SPATA7: variants seen among roughly 807,000 people sequenced by gnomAD.
SPATA7 encodes spermatogenesis-associated protein 7.
A neutral mutation model predicts 51.8 loss-of-function variants in SPATA7; 43 were observed. That is an observed-to-expected ratio of 0.83 (90% CI 0.65 to 1.07). The LOEUF is 1.07. SPATA7 is among the 50% of genes least tolerant of loss of function. The pLI is 0.00. For missense variants in SPATA7, 683 were observed against 701.3 expected (o/e 0.97, Z 0.30); for synonymous variants, 230 against 252.8 (o/e 0.91, Z 0.86).
At chr14:88,429,525 A>AT in intron 8 of SPATA7, 62 bp downstream of exon 8, 9 of 1,077,396 alleles carry the variant, frequency 8.4e-6, no homozygotes, top group African/African-American at 6.2e-5. Context: ...TATAACAGAC[A>AT]TATAGTATTT....
chr14:88,405,525 A>G (rs1158214721), intron 4 of SPATA7, among the ~76,000 whole-genome samples: 1 of 152,204 alleles, frequency 6.6e-6, no homozygotes, highest in African/African-American at 2.4e-5. Context: ...GATTCTGGAA[A>G]CATTTCAAAT....
At chr14:88,424,136 G>T (rs2076725866) in intron 5 of SPATA7, among the ~76,000 whole-genome samples, 1 of 152,130 alleles carries the variant, frequency 6.6e-6, no homozygotes, top group Non-Finnish European at 1.5e-5. Flanking sequence ...CATAATTGAT[G>T]AACCCTTTTC....
intron 9 of SPATA7, among the ~76,000 whole-genome samples, chr14:88,431,707 G>A (rs1482091399): frequency 6.6e-6 from 1 of 152,144 alleles, no homozygotes; most frequent in Non-Finnish European, 1.5e-5. Flanking sequence ...GTGAGAACAT[G>A]CGATGTTTAA....
chr14:88,459,601 T>C (rs1452858860), downstream of SPATA7, among the ~76,000 whole-genome samples: 1 of 152,202 alleles, frequency 6.6e-6, no homozygotes, highest in East Asian at 1.9e-4. Flanking sequence ...TTTGAGCCTA[T>C]GTGAGTCTCT....
At position 88,412,222 on chromosome 14, in the gene SPATA7, C is replaced by CT. The variant is rs58818266; in HGVS notation, c.239-4473dup. 2.1e-3 allele frequency among the ~76,000 whole-genome samples: 286 copies of CT among 135,030 alleles called. 1 individual carries two copies. The highest frequency in any genetic ancestry group is 6.6e-3 in the African/African-American group (235 of 35,390). The allele number at this position is 135,030 out of a possible 152,430, so 88.6% of individuals were successfully genotyped here. On this transcript the variant is annotated intron_variant, in intron 4 of 11. Transcript: ENST00000393545. ...ATGGGGTTATTTGTTTTTCTTCTTGCTTTTTTTTTTTTTTTTAAGTTCCTC... is the reference window on the plus strand; with the variant it reads ...ATGGGGTTATTTGTTTTTCTTCTTGCTTTTTTTTTTTTTTTTTAAGTTCCTC...
chr14:88,426,776 G>T (rs2076807079), intron 6 of SPATA7, 72 bp downstream of exon 6: 1 of 1,344,420 alleles, frequency 7.4e-7, no homozygotes, highest in African/African-American at 1.5e-5. Flanking sequence ...AATATTCCTT[G>T]TTTTCTGCTG....
downstream of SPATA7, among the ~76,000 whole-genome samples, chr14:88,456,953 G>T (rs888535237): frequency 5.3e-5 from 8 of 151,974 alleles, no homozygotes; most frequent in Non-Finnish European, 8.8e-5. Flanking sequence ...GGCTAGCAAG[G>T]TTTCCCAGCA....
At chr14:88,409,260 G>A (rs1373843057) in intron 4 of SPATA7, among the ~76,000 whole-genome samples, 1 of 152,064 alleles carries the variant, frequency 6.6e-6, no homozygotes, top group Non-Finnish European at 1.5e-5. Context: ...ATTAATTACT[G>A]CCTCAATTTC....
intron 4 of SPATA7, 165 bp from the exon 5 acceptor site, chr14:88,416,546 T>C (rs895033855): frequency 6.6e-6 from 4 of 607,774 alleles, no homozygotes; most frequent in Admixed American, 3.3e-5. Flanking sequence ...AAATAAATAA[T>C]TTTTAAAATG....
chr14:88,434,105 A>T lies in SPATA7; in HGVS notation c.1160+893A>T, dbSNP rs756910799. ...CGTGCACTTAAAAATGGTTAAGATG[A>T]TAAGTTTGGTTAGTTTTTGCCACCA... On this transcript the variant is annotated intron_variant, in intron 10 of 11. Coordinates refer to ENST00000393545, the MANE Select transcript of SPATA7 (RefSeq NM_018418.5). Among the ~76,000 whole-genome samples the T allele has an allele frequency of 2.0e-5, 3 of 152,194 alleles. No homozygotes were observed. The South Asian group carries it at 6.2e-4, about 32-fold the overall frequency.
Position 88,429,432 on chromosome 14 carries a change from A to G in SPATA7, c.997A>G (p.Lys333Glu). Residue 333 changes from lysine to glutamate, a missense_variant, in exon 8 of 12, where the codon AAG (lysine) becomes GAG (glutamate). Physicochemically the swap from Lys to Glu is moderately conservative, Grantham distance 56 (BLOSUM62 1). Transcript: ENST00000393545. ...GCATGACTCAACATGGGATGAGATT[A>G]AGGATGATGCTCTTCAGCATTCCTC... ...EGHDSTWDEI[K>E]DDALQHSSPR... 8 of 1,612,424 alleles carry G rather than the reference A, an allele frequency of 5.0e-6. No homozygotes were observed. The highest frequency in any genetic ancestry group is 6.8e-6 in the Non-Finnish European group (8 of 1,178,714).
downstream of SPATA7, among the ~76,000 whole-genome samples, chr14:88,459,562 G>A (rs1215742364): frequency 6.6e-6 from 1 of 151,640 alleles, no homozygotes. Flanking sequence ...TTTTCCATTT[G>A]CTTGGTAGAT....
chr14:88,440,944 G>T (rs1193557268), downstream of SPATA7, among the ~76,000 whole-genome samples: 1 of 152,014 alleles, frequency 6.6e-6, no homozygotes, highest in Non-Finnish European at 1.5e-5. Flanking sequence ...AGTGTACATT[G>T]TACCCAATGT....
intron 1 of SPATA7, among the ~76,000 whole-genome samples, chr14:88,388,738 C>G (rs73319856): frequency 6.6e-6 from 1 of 151,970 alleles, no homozygotes; most frequent in Non-Finnish European, 1.5e-5. Flanking sequence ...GTATATAAAA[C>G]AAATTAATGA....
Position 88,469,465 on chromosome 14 carries a change from C to CA in SPATA7, c.255-381dup. On this transcript the variant is annotated intron_variant, in intron 4 of 4. Coordinates refer to the SPATA7 transcript ENST00000556406. The surrounding 1 kb of genome is among the most constrained non-coding windows in gnomAD (Gnocchi z 4.3). ...CCTCTCTGTTTAACACCTCCAGAGG[C>CA]AGCTGTCCTCGGAACAAAGTTAAAG... 6.6e-7 allele frequency: 1 copy of CA among 1,523,864 alleles called. No individual in the cohort carries two copies. The highest frequency in any genetic ancestry group is 1.1e-5 in the South Asian group (1 of 89,066). The allele number at this position is 1,523,864 out of a possible 1,614,324, so 94.4% of individuals were successfully genotyped here. A position where few individuals can be genotyped will look rare whatever the true frequency, so the allele number is the denominator to read the frequency against.
At chr14:88,440,646 T>C (rs2077172247), downstream of SPATA7, among the ~76,000 whole-genome samples, 1 of 152,104 alleles carries the variant, frequency 6.6e-6, no homozygotes, top group African/African-American at 2.4e-5. Context: ...TGCGAGTGTG[T>C]CTTCTGAGCC....
At chr14:88,386,556 C>G (rs371148624) in intron 1 of SPATA7, among the ~76,000 whole-genome samples, 1 of 152,098 alleles carries the variant, frequency 6.6e-6, no homozygotes, top group Non-Finnish European at 1.5e-5. Flanking sequence ...CCATATACAC[C>G]TGTTCTCTAC....
rs111995899 is a variant in SPATA7, at chr14:88,424,293, T to C, written c.373-1939T>C. On this transcript the variant is annotated intron_variant, in intron 5 of 11. Coordinates refer to ENST00000393545, the MANE Select transcript of SPATA7 (RefSeq NM_018418.5). ...ATGCAGATTGGTACAGTGGATTTTA[T>C]ACTGTAGTCTACTGGTTTCCAAGGA... Among the ~76,000 whole-genome samples the C allele has an allele frequency of 4.0e-3, 603 of 152,354 alleles. 7 individuals are homozygous for C. Among genetic ancestry groups the C allele is most frequent in the African/African-American group, 0.013 (549 of 41,592 alleles).
At chr14:88,463,324 AG>A in intron 4 of SPATA7, among the ~76,000 whole-genome samples, 1 of 152,310 alleles carries the variant, frequency 6.6e-6, no homozygotes, top group East Asian at 1.9e-4. Flanking sequence ...TCACATTATA[AG>A]GCCCATTCTG....
Sources: gnomAD v4.1 joint callset for allele counts (sites outside exome capture counted in the v4.1 genomes callset) on GRCh38, gnomAD v4.1.1 for gene constraint, Gnocchi (gnomAD v3.1) non-coding constraint, MANE v1.5 for transcripts, NCBI Gene and HGNC (gene_info 2026-07-23, HGNC 2026-07-21) for gene names.